Variants in NFATC2 observed in about 807,000 individuals in gnomAD.
The protein encoded by NFATC2 is nuclear factor of activated T-cells, cytoplasmic 2.
NFATC2 carries 22 observed loss-of-function variants against 87.3 expected under a neutral mutation model. The observed-to-expected ratio is 0.25, with a 90% confidence interval of 0.18 to 0.36. The LOEUF (loss-of-function observed/expected upper bound fraction) is 0.36. NFATC2 is among the 10% of genes least tolerant of loss of function. The pLI is 1.00. For synonymous variants in NFATC2, 565 were observed against 542.2 expected (o/e 1.04, Z -0.58); for missense variants, 1,149 against 1,259.1 (o/e 0.91, Z 1.32).
intron 8 of NFATC2, 78 bp downstream of exon 8, chr20:51,435,110 G>GAGC (rs372565690): frequency 9.6e-6 from 15 of 1,559,304 alleles, no homozygotes; most frequent in African/African-American, 8.2e-5. Context: ...ACCCGGCTAG[G>GAGC]AGCAGACTTC....
chr20:51,445,510 C>A (rs1984945354), intron 6 of NFATC2, among the ~76,000 whole-genome samples: 1 of 152,144 alleles, frequency 6.6e-6, no homozygotes, highest in South Asian at 2.1e-4. Flanking sequence ...TACCTTTTTA[C>A]TGCAAGTATG....
chr20:51,420,544 T>A (rs1293232150), intron 9 of NFATC2, among the ~76,000 whole-genome samples: 1 of 152,046 alleles, frequency 6.6e-6, no homozygotes, highest in Non-Finnish European at 1.5e-5. Context: ...TAAATTGCAA[T>A]ATAATACTAA....
chr20:51,426,245 G>A lies in NFATC2; in HGVS notation c.2722+5822C>T, dbSNP rs573331333. ...TATAATCCCAGCACTTTGGGAGGCC[G>A]AGGGGAATGGATCACCTGAGGTCAG... is the stretch of plus-strand genomic sequence containing the variant. On this transcript the variant is annotated intron_variant, in intron 9 of 10. Coordinates refer to ENST00000371564, the MANE Select transcript of NFATC2 (RefSeq NM_012340.5). 1.1e-4 allele frequency among the ~76,000 whole-genome samples: 16 copies of A among 152,298 alleles called. No individual in the cohort carries two copies. In the East Asian group the frequency reaches 1.9e-3, roughly 18 times the overall value.
chr20:51,548,061 G>T (rs765662318), intron 1 of NFATC2, among the ~76,000 whole-genome samples: 1 of 152,140 alleles, frequency 6.6e-6, no homozygotes, highest in Admixed American at 6.5e-5. Flanking sequence ...CCCTTGGTCT[G>T]CAAGGCCCTA....
intron 6 of NFATC2, among the ~76,000 whole-genome samples, chr20:51,442,707 G>GT (rs11422409): frequency 0.026 from 3,643 of 139,792 alleles, 63 homozygotes; most frequent in African/African-American, 0.037. Flanking sequence ...AATAAAGTTT[G>GT]TTTTTTTTTT....
In NFATC2 at chr20:51,389,531, C is replaced by T. The variant is rs753894994; in HGVS notation, c.*1965G>A. The T allele has an allele frequency of 2.6e-5, 4 of 152,094 alleles. No homozygotes were observed. Among genetic ancestry groups the T allele is most frequent in the Non-Finnish European group, 4.4e-5 (3 of 68,022 alleles). The allele number at this position is 152,094 out of a possible 1,614,324, so 9.4% of individuals were successfully genotyped here. A position where few individuals can be genotyped will look rare whatever the true frequency, so the allele number is the denominator to read the frequency against. The stretch of plus-strand genomic sequence containing the variant: ...TTGTTCATGAGGAAGTATTTAGCAT[C>T]CCAGAAGTTCCATGGTAGGGGTCAA... On this transcript the variant is annotated 3_prime_UTR_variant, in exon 11 of 11. Transcript: ENST00000371564.
intron 3 of NFATC2, among the ~76,000 whole-genome samples, chr20:51,476,630 C>G (rs147956967): frequency 2.8e-4 from 42 of 152,256 alleles, no homozygotes; most frequent in African/African-American, 9.9e-4. Context: ...TCTCTGAGAG[C>G]AGAGATGTTT....
intron 9 of NFATC2, among the ~76,000 whole-genome samples, chr20:51,418,808 G>A (rs959772160): frequency 2.0e-5 from 3 of 151,874 alleles, no homozygotes; most frequent in South Asian, 4.2e-4. Flanking sequence ...GATTACAGGC[G>A]CATGCCACCA....
intron 10 of NFATC2, among the ~76,000 whole-genome samples, chr20:51,392,586 A>G (rs1480675010): frequency 6.6e-6 from 1 of 152,200 alleles, no homozygotes; most frequent in Non-Finnish European, 1.5e-5. Flanking sequence ...TTACAGGTAG[A>G]CCATACTGAC....
At chr20:51,392,602 G>A (rs374534032) in intron 10 of NFATC2, among the ~76,000 whole-genome samples, 1 of 152,210 alleles carries the variant, frequency 6.6e-6, no homozygotes, top group Admixed American at 6.5e-5. Context: ...CTGACTAGTC[G>A]TGGGGTGGAA....
intron 6 of NFATC2, among the ~76,000 whole-genome samples, chr20:51,451,201 G>C (rs3787204): frequency 6.6e-6 from 1 of 152,200 alleles, no homozygotes; most frequent in South Asian, 2.1e-4. Flanking sequence ...GGACAGCTCG[G>C]GGGAGCTGTG....
chr20:51,492,586 A>G (rs1023305925), intron 3 of NFATC2, among the ~76,000 whole-genome samples: 6 of 152,168 alleles, frequency 3.9e-5, no homozygotes, highest in African/African-American at 1.4e-4. Flanking sequence ...ACCAGCCAAG[A>G]TAAGGGGACT....
chr20:51,482,052 A>G (rs141145062), intron 3 of NFATC2, among the ~76,000 whole-genome samples: 150 of 152,284 alleles, frequency 9.9e-4, no homozygotes, highest in African/African-American at 3.4e-3. Context: ...AACAGCCTCC[A>G]CTGGCCCTGT....
intron 9 of NFATC2, among the ~76,000 whole-genome samples, chr20:51,407,578 A>C (rs6096413): frequency 2.6e-5 from 4 of 152,168 alleles, no homozygotes; most frequent in Admixed American, 2.6e-4. Flanking sequence ...ATCACGCTTC[A>C]TGGTCACAAA....
intron 9 of NFATC2, among the ~76,000 whole-genome samples, chr20:51,402,244 A>G (rs1178714515): frequency 6.6e-6 from 1 of 152,184 alleles, no homozygotes; most frequent in Non-Finnish European, 1.5e-5. Flanking sequence ...TGAACTGCCC[A>G]TTTCTATTCT....
intron 1 of NFATC2, among the ~76,000 whole-genome samples, chr20:51,556,891 TG>T (rs1342602906): frequency 6.6e-6 from 1 of 152,012 alleles, no homozygotes; most frequent in Non-Finnish European, 1.5e-5. Context: ...AGAGAGGGGA[TG>T]GGGGCTGCTA....
chr20:51,394,479 G>A (rs146459139), intron 10 of NFATC2, among the ~76,000 whole-genome samples: 3 of 151,912 alleles, frequency 2.0e-5, no homozygotes, highest in East Asian at 3.9e-4. Context: ...TTTCCTTTTC[G>A]CTCATGTTAC....
chr20:51,398,660 CG>C lies in NFATC2; in HGVS notation c.*26del, dbSNP rs1480584687. 6.2e-7 allele frequency: 1 copy of C among 1,607,382 alleles called. No individual in the cohort carries two copies. Among genetic ancestry groups the C allele is most frequent in the African/African-American group, 1.3e-5 (1 of 74,654 alleles). On this transcript the variant is annotated 3_prime_UTR_variant, in exon 10 of 11. Transcript: ENST00000371564. The stretch of plus-strand genomic sequence containing the variant: ...TCGATTACCTTTAACTTTGATTTCT[CG>C]GATCAAAGATCACAGTCATTCTGTT...
intron 4 of NFATC2, among the ~76,000 whole-genome samples, chr20:51,475,047 C>A (rs1267396117): frequency 6.6e-6 from 1 of 150,432 alleles, no homozygotes; most frequent in East Asian, 1.9e-4. Context: ...CGGCTCACAG[C>A]AACCTGCCCG....
Sources: allele counts gnomAD v4.1 joint callset (sites outside exome capture counted in the v4.1 genomes callset), GRCh38; gene constraint gnomAD v4.1.1; transcripts MANE v1.5; gene names NCBI Gene and HGNC (gene_info 2026-07-23, HGNC 2026-07-21).